MRPL47: variants seen among roughly 807,000 people sequenced by gnomAD.
MRPL47 encodes mitochondrial ribosomal protein L47.
Under a neutral mutation model 34.0 loss-of-function variants are expected in MRPL47, and 31 were observed. That is an observed-to-expected ratio of 0.91 (90% CI 0.68 to 1.23). The LOEUF is 1.23. MRPL47 is among the 50% of genes most tolerant of loss of function. The probability of loss-of-function intolerance (pLI) is 0.00; values close to 1 mark genes in which losing one functional copy is unlikely to be tolerated. For missense variants in MRPL47, 328 were observed against 285.8 expected, an observed-to-expected ratio of 1.15 and a Z score of -1.07; for synonymous variants, 106 against 101.6, an observed-to-expected ratio of 1.04 and a Z score of -0.26.
chr3:179,602,426 C>G (rs954306104), intron 2 of MRPL47, among the ~76,000 whole-genome samples: 1 of 152,078 alleles, frequency 6.6e-6, no homozygotes, highest in Non-Finnish European at 1.5e-5. Context: ...TTAATAATTT[C>G]AGCCTATTCC....
At chr3:179,592,766 C>G (rs770701796) in intron 5 of MRPL47, 27 bp from the exon 6 acceptor site, 1 of 1,458,536 alleles carries the variant, frequency 6.9e-7, no homozygotes, top group Non-Finnish European at 9.6e-7. Context: ...AAGTTATTTG[C>G]CTTAAAGAAA....
In MRPL47 at chr3:179,592,690, T is replaced by C. The variant is rs765395646; in HGVS notation, c.583A>G (p.Asn195Asp). 7 of 1,614,048 alleles carry C rather than the reference T, an allele frequency of 4.3e-6. No homozygotes were observed. The African/African-American group carries it at 5.3e-5, about 12-fold the overall frequency. The change falls in exon 6 of 7, where the codon AAT becomes GAT. Residue 195 changes from asparagine to aspartate, a missense_variant. Physicochemically the swap from Asn to Asp is conservative, Grantham distance 23 (BLOSUM62 1). Transcript: ENST00000476781. ...VIPWHLNKRY[N>D]RKRFFALPYV... Reference sequence around the variant, plus strand: ...GGCAAGGCAAAGAATCGTTTCCTATTGTATCTTTTATTTAGGTGCCAAGGT... The same window carrying C: ...GGCAAGGCAAAGAATCGTTTCCTATCGTATCTTTTATTTAGGTGCCAAGGT...
chr3:179,591,695 T>C (rs1718676154), intron 6 of MRPL47, among the ~76,000 whole-genome samples: 1 of 152,252 alleles, frequency 6.6e-6, no homozygotes, highest in Non-Finnish European at 1.5e-5. Context: ...TGAACTCACA[T>C]TGTATGCAAC....
At chr3:179,598,854 T>A in intron 3 of MRPL47, 83 bp from the exon 4 acceptor site, 1 of 1,032,938 alleles carries the variant, frequency 9.7e-7, no homozygotes, top group Non-Finnish European at 1.5e-6. Context: ...AAATTAATTA[T>A]CTGTACTTGA....
In MRPL47 at chr3:179,588,862, T is replaced by C; in HGVS notation, c.*10A>G. 1 of 1,611,882 alleles carries C rather than the reference T, an allele frequency of 6.2e-7. No homozygotes were observed. The highest frequency in any genetic ancestry group is 8.5e-7 in the Non-Finnish European group (1 of 1,179,082). ...AAAAACAAAATGGTAAATTTAATAG[T>C]TCAGACATCTTAGACAAGACTTGAC... On this transcript the variant is annotated 3_prime_UTR_variant, in exon 7 of 7. Transcript: ENST00000476781.
chr3:179,601,830 C>T (rs934942166), intron 2 of MRPL47, 40 bp from the exon 3 acceptor site: 1 of 1,484,310 alleles, frequency 6.7e-7, no homozygotes, highest in South Asian at 1.2e-5. Flanking sequence ...CATTTCTAGC[C>T]ATGTGCCCTT....
At chr3:179,598,571 G>C in intron 4 of MRPL47, 104 bp downstream of exon 4, 1 of 765,774 alleles carries the variant, frequency 1.3e-6, no homozygotes, top group Non-Finnish European at 2.3e-6. Flanking sequence ...AAAATCAAAC[G>C]AATAAGAAAA....
intron 5 of MRPL47, 85 bp from the exon 6 acceptor site, chr3:179,592,824 C>A (rs970154957): frequency 1.1e-5 from 9 of 797,992 alleles, no homozygotes; most frequent in South Asian, 1.6e-5. Flanking sequence ...AAGGGTTAGT[C>A]CAAATAAAAA....
intron 4 of MRPL47, among the ~76,000 whole-genome samples, chr3:179,598,278 T>C (rs903537751): frequency 1.3e-5 from 2 of 151,594 alleles, no homozygotes; most frequent in Admixed American, 6.6e-5. Context: ...TCCCAGCAAC[T>C]TGGGAGGCTG....
At chr3:179,596,137 A>C (rs1213999905) in intron 4 of MRPL47, among the ~76,000 whole-genome samples, 1 of 152,252 alleles carries the variant, frequency 6.6e-6, no homozygotes, top group Non-Finnish European at 1.5e-5. Flanking sequence ...TTACAATCAT[A>C]GCTAACTATT....
chr3:179,594,370 G>T (rs1034922118), intron 4 of MRPL47, among the ~76,000 whole-genome samples: 1 of 152,162 alleles, frequency 6.6e-6, no homozygotes, highest in African/African-American at 2.4e-5. Context: ...AGTCCATCCA[G>T]ATATGAATCT....
chr3:179,603,334 T>C (rs779963651), intron 1 of MRPL47, among the ~76,000 whole-genome samples: 1 of 151,936 alleles, frequency 6.6e-6, no homozygotes, highest in Non-Finnish European at 1.5e-5. Flanking sequence ...GCCCAGGAGC[T>C]CAAGACCAGC....
chr3:179,602,880 A>G, intron 1 of MRPL47, 83 bp from the exon 2 acceptor site: 1 of 1,103,568 alleles, frequency 9.1e-7, no homozygotes, highest in Non-Finnish European at 1.3e-6. Context: ...AATAAACATA[A>G]TCATTTTGTC....
chr3:179,592,528 A>C, intron 6 of MRPL47, 116 bp downstream of exon 6: 1 of 642,678 alleles, frequency 1.6e-6, no homozygotes, highest in Non-Finnish European at 2.6e-6. Context: ...TTATGTAATA[A>C]CAGAAATTAA....
chr3:179,598,791 C>A lies in MRPL47; in HGVS notation c.306-20G>T, dbSNP rs1053928011. Reference sequence around the variant, plus strand: ...ACATACCTATACAAAAGAACACAAACCTTGTGATGCTATTCTGTGGTTATG... The same window carrying A: ...ACATACCTATACAAAAGAACACAAAACTTGTGATGCTATTCTGTGGTTATG... On this transcript the variant is annotated intron_variant, in intron 3 of 6. Transcript: ENST00000476781. 1 of 1,435,206 alleles carries A rather than the reference C, an allele frequency of 7.0e-7. No homozygotes were observed. Among genetic ancestry groups the A allele is most frequent in the Non-Finnish European group, 9.8e-7 (1 of 1,018,514 alleles). The allele number at this position is 1,435,206 out of a possible 1,614,324, so 88.9% of individuals were successfully genotyped here.
chr3:179,597,363 A>T (rs771428014), intron 4 of MRPL47, among the ~76,000 whole-genome samples: 1 of 152,150 alleles, frequency 6.6e-6, no homozygotes, highest in Non-Finnish European at 1.5e-5. Context: ...GACTGGTGTG[A>T]GGAAAGGAAA....
In MRPL47 at chr3:179,588,635, C is replaced by T. The variant is rs1424998917; in HGVS notation, c.*237G>A. ...GGTAGCAGGTGACATTTAAAGCCTG[C>T]TTAAATGTCAGAATTTATAAAGTGG... is the stretch of plus-strand genomic sequence containing the variant. On this transcript the variant is annotated 3_prime_UTR_variant, in exon 7 of 7. Coordinates refer to ENST00000476781, the MANE Select transcript of MRPL47 (RefSeq NM_020409.3). 1 of 329,458 alleles carries T rather than the reference C, an allele frequency of 3.0e-6. No homozygotes were observed. The highest frequency in any genetic ancestry group is 5.6e-6 in the Non-Finnish European group (1 of 179,348). 20.4% of individuals were successfully genotyped at this position (329,458 alleles called of 1,614,324 possible).
intron 6 of MRPL47, among the ~76,000 whole-genome samples, chr3:179,589,596 A>G (rs1427049083): frequency 6.6e-6 from 1 of 152,222 alleles, no homozygotes; most frequent in Non-Finnish European, 1.5e-5. Flanking sequence ...TTGATATCTT[A>G]CAGGATATTG....
intron 6 of MRPL47, among the ~76,000 whole-genome samples, chr3:179,589,473 A>G (rs530181459): frequency 6.6e-6 from 1 of 152,332 alleles, no homozygotes; most frequent in East Asian, 1.9e-4. Flanking sequence ...ATCCCAGGGT[A>G]TGACACATTT....
Sources: gnomAD v4.1 joint callset for allele counts (sites outside exome capture counted in the v4.1 genomes callset) on GRCh38, gnomAD v4.1.1 for gene constraint, MANE v1.5 for transcripts, NCBI Gene and HGNC (gene_info 2026-07-23, HGNC 2026-07-21) for gene names.